The following GABRG3 variants were observed in gnomAD, a reference collection of about 807,000 sequenced individuals.
GABRG3 encodes the protein gamma-aminobutyric acid type A receptor subunit gamma3.
GABRG3 carries 25 observed loss-of-function variants against 48.8 expected under a neutral mutation model. That is an observed-to-expected ratio of 0.51 (90% confidence interval 0.37 to 0.72). The LOEUF (loss-of-function observed/expected upper bound fraction) is 0.72. Ranked by LOEUF, GABRG3 falls within the 30% of genes least tolerant of loss-of-function variation. The pLI, the probability that GABRG3 is intolerant of heterozygous loss-of-function variation, is 0.00. For missense variants in GABRG3, 394 were observed against 577.9 expected, an observed-to-expected ratio of 0.68 and a Z score of 3.26; for synonymous variants, 227 against 217.6, an observed-to-expected ratio of 1.04 and a Z score of -0.38.
At chr15:27,501,025 C>A (rs995379421) in intron 6 of GABRG3, among the ~76,000 whole-genome samples, 10 of 144,196 alleles carry the variant, frequency 6.9e-5, no homozygotes, top group South Asian at 4.3e-4. Flanking sequence ...GATCTCGGCT[C>A]ACTGCAAGCT....
chr15:27,206,897 G>C (rs1595585340), intron 3 of GABRG3, among the ~76,000 whole-genome samples: 1 of 151,994 alleles, frequency 6.6e-6, no homozygotes, highest in South Asian at 2.1e-4. Context: ...TTTTCTGTTT[G>C]TCTGATAGAT....
chr15:27,112,048 A>G (rs1029422824), intron 3 of GABRG3, among the ~76,000 whole-genome samples: 1 of 152,202 alleles, frequency 6.6e-6, no homozygotes, highest in Non-Finnish European at 1.5e-5. Context: ...AGAAAAGTTC[A>G]GTAAAGTGTA....
At chr15:27,209,451 G>A (rs544437130) in intron 3 of GABRG3, among the ~76,000 whole-genome samples, 14 of 151,048 alleles carry the variant, frequency 9.3e-5, no homozygotes, top group African/African-American at 2.9e-4. Flanking sequence ...GTGCAGTGGC[G>A]CTATCCCGGC....
At chr15:27,282,944 C>T (rs561736211) in intron 3 of GABRG3, among the ~76,000 whole-genome samples, 10 of 152,124 alleles carry the variant, frequency 6.6e-5, no homozygotes, top group African/African-American at 2.2e-4. Context: ...GTGGTGGAGA[C>T]GGTTCAGGCT....
intron 3 of GABRG3, among the ~76,000 whole-genome samples, chr15:27,091,811 A>C (rs1897190285): frequency 6.6e-6 from 1 of 152,222 alleles, no homozygotes; most frequent in Non-Finnish European, 1.5e-5. Flanking sequence ...TGCCCTATTC[A>C]AGATGGCTGC....
At chr15:27,406,832 G>A (rs928321106) in intron 5 of GABRG3, among the ~76,000 whole-genome samples, 5 of 152,166 alleles carry the variant, frequency 3.3e-5, no homozygotes, top group Non-Finnish European at 7.3e-5. Flanking sequence ...TAACAATAGT[G>A]GGGAAAGGGT....
chr15:27,004,151 C>T (rs1372215465), intron 2 of GABRG3, among the ~76,000 whole-genome samples: 5 of 150,108 alleles, frequency 3.3e-5, no homozygotes, highest in South Asian at 2.1e-4. Flanking sequence ...CCCTCCCGGA[C>T]GGGGTGGCTG....
chr15:27,297,516 T>C (rs1157550339), intron 3 of GABRG3, among the ~76,000 whole-genome samples: 1 of 152,222 alleles, frequency 6.6e-6, no homozygotes, highest in African/African-American at 2.4e-5. Context: ...ATACTTAACA[T>C]TGTGTTACAA....
chr15:27,334,001 A>T (rs1893884839), intron 5 of GABRG3, among the ~76,000 whole-genome samples: 1 of 152,228 alleles, frequency 6.6e-6, no homozygotes, highest in South Asian at 2.1e-4. Context: ...AAATGTCAGC[A>T]TTATGAAATA....
At chr15:27,070,346 T>A (rs754219509) in intron 3 of GABRG3, among the ~76,000 whole-genome samples, 1 of 152,236 alleles carries the variant, frequency 6.6e-6, no homozygotes, top group Admixed American at 6.5e-5. Context: ...TATGACCATA[T>A]GCCAAGTTGA....
intron 5 of GABRG3, chr15:27,340,971 G>A (rs1894154074): frequency 2.0e-6 from 1 of 508,438 alleles, no homozygotes; most frequent in South Asian, 1.4e-5. Flanking sequence ...TTTTGTTTTG[G>A]GGTGTGTTTT....
At chr15:27,159,458 G>A (rs1898519582) in intron 3 of GABRG3, among the ~76,000 whole-genome samples, 1 of 151,750 alleles carries the variant, frequency 6.6e-6, no homozygotes, top group South Asian at 2.1e-4. Context: ...CTTCAGCCTG[G>A]GCAATAGAGT....
At chr15:27,399,910 AAT>A (rs1233697608) in intron 5 of GABRG3, among the ~76,000 whole-genome samples, 3 of 152,196 alleles carry the variant, frequency 2.0e-5, no homozygotes, top group African/African-American at 7.2e-5. Context: ...AGAGCAGATG[AAT>A]CTGGACTTGC....
At chr15:27,118,382 C>G (rs896098846) in intron 3 of GABRG3, among the ~76,000 whole-genome samples, 3 of 152,190 alleles carry the variant, frequency 2.0e-5, no homozygotes, top group Non-Finnish European at 4.4e-5. Flanking sequence ...CAACATGTCA[C>G]TCATGAATTT....
chr15:27,045,134 T>C (rs573110827), intron 3 of GABRG3, among the ~76,000 whole-genome samples: 1 of 152,244 alleles, frequency 6.6e-6, no homozygotes, highest in African/African-American at 2.4e-5. Context: ...ATTTCAGAAG[T>C]GGAATGAGAA....
chr15:27,046,187 G>C (rs1483572681), intron 3 of GABRG3, among the ~76,000 whole-genome samples: 1 of 152,144 alleles, frequency 6.6e-6, no homozygotes, highest in Non-Finnish European at 1.5e-5. Context: ...TCCGTCTCCG[G>C]GGTTCAAGTG....
chr15:27,249,128 T>C (rs1168487923), intron 3 of GABRG3, among the ~76,000 whole-genome samples: 1 of 152,174 alleles, frequency 6.6e-6, no homozygotes, highest in Non-Finnish European at 1.5e-5. Flanking sequence ...TTGAAGTGAC[T>C]GGACTCAGGT....
intron 5 of GABRG3, among the ~76,000 whole-genome samples, chr15:27,413,108 G>A (rs527312231): frequency 6.6e-6 from 1 of 152,140 alleles, no homozygotes; most frequent in South Asian, 2.1e-4. Flanking sequence ...AATCTCTTTA[G>A]AACAAACAGC....
At chr15:27,058,806 A>G (rs1896596950) in intron 3 of GABRG3, among the ~76,000 whole-genome samples, 1 of 152,182 alleles carries the variant, frequency 6.6e-6, no homozygotes, top group South Asian at 2.1e-4. Flanking sequence ...AGCACTGTCT[A>G]TAAAACTATG....
Sources: allele counts gnomAD v4.1 joint callset (sites outside exome capture counted in the v4.1 genomes callset), GRCh38; gene constraint gnomAD v4.1.1; transcripts MANE v1.5; gene names NCBI Gene and HGNC (gene_info 2026-07-23, HGNC 2026-07-21).